The following VAC14 variants were observed in gnomAD, a reference collection of about 807,000 sequenced individuals.
VAC14 encodes the protein protein VAC14 homolog.
A neutral mutation model predicts 85.3 loss-of-function variants in VAC14; 47 were observed. The observed-to-expected ratio is 0.55, with a 90% CI of 0.44 to 0.70. The LOEUF is 0.70. Ranked by LOEUF, VAC14 falls within the 30% of genes least tolerant of loss-of-function variation. VAC14 has a pLI of 0.00. For synonymous variants in VAC14, 447 were observed against 430.5 expected (o/e 1.04, Z -0.47); for missense variants, 861 against 1,004.3 (o/e 0.86, Z 1.93).
intron 9 of VAC14, among the ~76,000 whole-genome samples, chr16:70,776,910 CA>C (rs2033549076): frequency 6.6e-6 from 1 of 151,620 alleles, no homozygotes; most frequent in Non-Finnish European, 1.5e-5. Context: ...CAGGTTCAAG[CA>C]ATTCTCCTGC....
chr16:70,695,724 A>T, intron 16 of VAC14, 101 bp from the exon 17 acceptor site: 1 of 1,138,220 alleles, frequency 8.8e-7, no homozygotes, highest in Non-Finnish European at 1.3e-6. Context: ...CTGTGCACAG[A>T]GCCTGGTTGT....
chr16:70,706,966 G>A (rs534445265), intron 14 of VAC14, among the ~76,000 whole-genome samples: 3 of 152,296 alleles, frequency 2.0e-5, no homozygotes, highest in East Asian at 1.9e-4. Context: ...GGCCTGGACC[G>A]CTCCCACCGG....
chr16:70,783,839 T>C (rs990569269), intron 5 of VAC14, among the ~76,000 whole-genome samples: 1 of 152,170 alleles, frequency 6.6e-6, no homozygotes, highest in Admixed American at 6.5e-5. Context: ...TTGCTGGAAG[T>C]AGCACTGCTG....
intron 9 of VAC14, among the ~76,000 whole-genome samples, chr16:70,773,592 G>T (rs2143180696): frequency 6.6e-6 from 1 of 152,182 alleles, no homozygotes; most frequent in Admixed American, 6.5e-5. Flanking sequence ...GCAGTGCTTG[G>T]GGTGGGAGGT....
intron 15 of VAC14, among the ~76,000 whole-genome samples, chr16:70,697,996 C>T (rs940585153): frequency 6.6e-6 from 1 of 152,168 alleles, no homozygotes; most frequent in African/African-American, 2.4e-5. Flanking sequence ...CCACCCCAGC[C>T]GGGACACGAG....
At chr16:70,769,582 T>G (rs112651431) in intron 10 of VAC14, 5 of 152,388 alleles carry the variant, frequency 3.3e-5, no homozygotes, top group African/African-American at 1.2e-4. Context: ...CTAGATCATT[T>G]GTTCTTGTTT....
At chr16:70,690,923 A>G (rs2053584634) in intron 18 of VAC14, 2 of 985,432 alleles carry the variant, frequency 2.0e-6, no homozygotes, top group Non-Finnish European at 2.4e-6. Flanking sequence ...CATTTAGTCC[A>G]AATGTGCATT....
In VAC14 at chr16:70,744,436, T is replaced by C. The variant is rs747206402; in HGVS notation, c.1515A>G (p.Leu505=). The change falls in exon 13 of 19, where the codon CTA becomes CTG. Residue 505 remains leucine (L), a synonymous_variant. Transcript: ENST00000261776. ...LQVPTPGRAG[L]LNTSGTKGLE... ...GAGAAGACTTACCAGAGGTGTTCAG[T>C]AGGCCGGCTCTGCCAGGGGTGGGCA... The C allele has an allele frequency of 1.2e-6, 2 of 1,613,858 alleles. No homozygotes were observed. The highest frequency in any genetic ancestry group is 3.3e-5 in the Admixed American group (2 of 59,992).
chr16:70,787,598 T>C (rs556198912), intron 1 of VAC14, among the ~76,000 whole-genome samples: 2 of 152,300 alleles, frequency 1.3e-5, no homozygotes, highest in South Asian at 2.1e-4. Context: ...AAATCTCACA[T>C]GGCATGTGGT....
At chr16:70,773,758 T>C (rs1178792198) in intron 9 of VAC14, among the ~76,000 whole-genome samples, 1 of 128,558 alleles carries the variant, frequency 7.8e-6, no homozygotes, top group Non-Finnish European at 1.8e-5. Context: ...CATAGTTCAA[T>C]TATTATTATT....
chr16:70,750,832 G>A (rs2031322842), intron 12 of VAC14, among the ~76,000 whole-genome samples: 1 of 152,048 alleles, frequency 6.6e-6, no homozygotes, highest in Non-Finnish European at 1.5e-5. Flanking sequence ...ACCTCGGTGT[G>A]GAAAGCTCCC....
chr16:70,745,300 G>A (rs1483381139), intron 12 of VAC14, among the ~76,000 whole-genome samples: 2 of 152,180 alleles, frequency 1.3e-5, no homozygotes, highest in South Asian at 2.1e-4. Context: ...GGTCAGCACT[G>A]TGTCACAATG....
intron 14 of VAC14, among the ~76,000 whole-genome samples, chr16:70,722,362 T>C (rs181075916): frequency 1.3e-5 from 2 of 152,364 alleles, no homozygotes; most frequent in Admixed American, 1.3e-4. Context: ...ACATCACCCC[T>C]GCTCAGAGAC....
intron 14 of VAC14, among the ~76,000 whole-genome samples, chr16:70,706,730 G>A (rs949509725): frequency 9.9e-5 from 15 of 152,168 alleles, no homozygotes; most frequent in Non-Finnish European, 1.5e-5. Flanking sequence ...GACCTCAAGT[G>A]ATCCACCCGC....
chr16:70,789,543 C>T (rs755622214), intron 1 of VAC14, among the ~76,000 whole-genome samples: 14 of 152,128 alleles, frequency 9.2e-5, no homozygotes, highest in South Asian at 2.1e-4. Flanking sequence ...TCGCCTGCCA[C>T]GCGGGAGGCC....
At chr16:70,730,342 C>T (rs185379357) in intron 14 of VAC14, among the ~76,000 whole-genome samples, 2 of 151,900 alleles carry the variant, frequency 1.3e-5, no homozygotes, top group African/African-American at 4.8e-5. Context: ...GTGCTGACCC[C>T]TGAGTAAGGT....
chr16:70,703,582 AC>A (rs2053869130), intron 14 of VAC14, among the ~76,000 whole-genome samples: 1 of 152,168 alleles, frequency 6.6e-6, no homozygotes, highest in African/African-American at 2.4e-5. Context: ...GGGCTGTGTC[AC>A]TGGTTGTGTC....
chr16:70,737,153 C>T (rs981124177), intron 13 of VAC14, among the ~76,000 whole-genome samples: 7 of 152,184 alleles, frequency 4.6e-5, no homozygotes, highest in Non-Finnish European at 8.8e-5. Context: ...TGCTGATTTC[C>T]GCCTCACTGC....
intron 1 of VAC14, among the ~76,000 whole-genome samples, chr16:70,800,129 A>G (rs565588860): frequency 1.3e-5 from 2 of 149,312 alleles, no homozygotes; most frequent in South Asian, 2.1e-4. Flanking sequence ...AATACTGCAG[A>G]AAAAAAAATA....
Sources: gnomAD v4.1 joint callset for allele counts (sites outside exome capture counted in the v4.1 genomes callset) on GRCh38, gnomAD v4.1.1 for gene constraint, MANE v1.5 for transcripts, NCBI Gene and HGNC (gene_info 2026-07-23, HGNC 2026-07-21) for gene names.